Variants in STAC2 observed in about 807,000 individuals in gnomAD.
The protein encoded by STAC2 is SH3 and cysteine rich domain 2.
In STAC2, 36 loss-of-function variants were observed where a neutral mutation model predicts 49.0. The ratio of observed to expected loss-of-function variants is 0.74; its 90% CI spans 0.56 to 0.97. STAC2 has a LOEUF of 0.97. Among genes scored for constraint, STAC2 ranks in the 50% least tolerant of loss-of-function variants. The pLI, the probability that STAC2 is intolerant of heterozygous loss-of-function variation, is 0.00. For missense variants in STAC2, 527 were observed against 543.8 expected (o/e 0.97, Z 0.31); for synonymous variants, 239 against 214.7 (o/e 1.11, Z -0.99).
intron 4 of STAC2, among the ~76,000 whole-genome samples, chr17:39,216,259 G>T (rs908494461): frequency 3.9e-5 from 6 of 152,154 alleles, no homozygotes; most frequent in Non-Finnish European, 8.8e-5. Flanking sequence ...TGGGATTACA[G>T]GTATGAGCCA....
At chr17:39,220,401 C>T (rs151044087) in intron 1 of STAC2, among the ~76,000 whole-genome samples, 17 of 152,292 alleles carry the variant, frequency 1.1e-4, no homozygotes, top group Admixed American at 2.6e-4. Flanking sequence ...CAAAACTAAA[C>T]CTACTGCCTG....
chr17:39,213,252 C>T, intron 9 of STAC2, 120 bp from the exon 10 acceptor site: 1 of 1,501,016 alleles, frequency 6.7e-7, no homozygotes, highest in Non-Finnish European at 8.9e-7. Flanking sequence ...ATCTAGGGCT[C>T]TCCGGATTCC....
In STAC2 at chr17:39,218,212, G is replaced by T. The variant is rs528924839; in HGVS notation, c.91-39C>A. ...AGGGAGCTGTGAGTGGGAGCCTAGAGGGGGCTGGCCAGGGCGGGCTTCCCT... is the reference window on the plus strand; with the variant it reads ...AGGGAGCTGTGAGTGGGAGCCTAGATGGGGCTGGCCAGGGCGGGCTTCCCT... On this transcript the variant is annotated intron_variant, in intron 1 of 10. Transcript: ENST00000333461. 3.1e-6 allele frequency: 5 copies of T among 1,610,988 alleles called. No individual in the cohort carries two copies. The South Asian group carries it at 4.4e-5, about 14-fold the overall frequency.
chr17:39,218,173 G>C lies in STAC2; in HGVS notation c.91C>G (p.Leu31Val). 6.2e-7 allele frequency: 1 copy of C among 1,613,312 alleles called. No individual in the cohort carries two copies. Among genetic ancestry groups the C allele is most frequent in the Non-Finnish European group, 8.5e-7 (1 of 1,180,008 alleles). ...GAGAGGGAGCGCTTGAATCGCTGGA[G>C]CTGGGAGAAAAAGAGGGAGCTGTGA... is the stretch of plus-strand genomic sequence containing the variant. Reference protein sequence around the residue: ...GTVSALQETKLQRFKRSLSLK... With the variant: ...GTVSALQETKVQRFKRSLSLK... The change falls in exon 2 of 11, where the codon CTC (leucine) becomes GTC (valine). Residue 31 changes from leucine (L) to valine (V), a missense_variant and splice_region_variant. By Grantham distance (32) the Leu-to-Val change is conservative (BLOSUM62 1). Transcript: ENST00000333461.
At position 39,214,951 on chromosome 17, in the gene STAC2, C is replaced by A; in HGVS notation, c.772G>T (p.Ala258Ser). The A allele has an allele frequency of 6.2e-7, 1 of 1,614,114 alleles. No individual in the cohort carries two copies. The highest frequency in any genetic ancestry group is 2.2e-5 in the East Asian group (1 of 44,864). ...GCCCTTGATGCCCACCACCACTCAC[C>A]ACTGTCACCAGGCCCCTCCTCAGAG... ...RSSEEGPGDS[A>S]SPVFTAPAES... The change falls in exon 6 of 11, where the codon GCA becomes TCA. Residue 258 changes from alanine to serine, a missense_variant and splice_region_variant. By Grantham distance (99) the Ala-to-Ser change is moderately conservative (BLOSUM62 1). Transcript: ENST00000333461.
At chr17:39,218,229 G>A (rs1174237647) in intron 1 of STAC2, 56 bp from the exon 2 acceptor site, 16 of 1,598,302 alleles carry the variant, frequency 1.0e-5, no homozygotes, top group Admixed American at 1.7e-5. Context: ...GGCCAGGGCG[G>A]GCTTCCCTTC....
intron 3 of STAC2, 46 bp from the exon 4 acceptor site, chr17:39,216,946 T>C (rs375493562): frequency 1.7e-5 from 27 of 1,581,072 alleles, no homozygotes; most frequent in Non-Finnish European, 2.3e-5. Flanking sequence ...TCATGGCCTA[T>C]GGAGAACTTG....
chr17:39,214,334 C>T lies in STAC2; in HGVS notation c.844-4G>A, dbSNP rs550680078. The T allele has an allele frequency of 1.4e-4, 220 of 1,613,606 alleles. No individual in the cohort carries two copies. The highest frequency in any genetic ancestry group is 7.2e-4 in the Admixed American group (43 of 59,968). On this transcript the variant is annotated splice_polypyrimidine_tract_variant and splice_region_variant and intron_variant, in intron 7 of 10. Transcript: ENST00000333461. ...TCCGCAGGGTGGCTTTGGGGAGCTG[C>T]GGGAGAATCTCTGGGTCGGTGACCG...
At chr17:39,219,471 C>T (rs1174511481) in intron 1 of STAC2, among the ~76,000 whole-genome samples, 1 of 152,180 alleles carries the variant, frequency 6.6e-6, no homozygotes, top group Non-Finnish European at 1.5e-5. Flanking sequence ...GCCCAACTTC[C>T]ACCACAGCTC....
chr17:39,215,690 G>A (rs911916552), intron 4 of STAC2, among the ~76,000 whole-genome samples: 8 of 152,076 alleles, frequency 5.3e-5, no homozygotes, highest in African/African-American at 1.2e-4. Flanking sequence ...CCAAGGCCTC[G>A]TACCCATGGT....
chr17:39,224,575 G>A (rs901010058), intron 1 of STAC2, among the ~76,000 whole-genome samples: 16 of 152,222 alleles, frequency 1.1e-4, no homozygotes, highest in African/African-American at 3.9e-4. Flanking sequence ...CTGCCTTCGC[G>A]GGGAGTAATT....
chr17:39,221,698 T>C (rs1414892946), intron 1 of STAC2, among the ~76,000 whole-genome samples: 2 of 152,196 alleles, frequency 1.3e-5, no homozygotes, highest in Non-Finnish European at 2.9e-5. Flanking sequence ...AGGAGCATCC[T>C]GCTGTGCTGA....
chr17:39,217,378 C>T (rs943701092), intron 2 of STAC2, among the ~76,000 whole-genome samples: 1 of 152,130 alleles, frequency 6.6e-6, no homozygotes, highest in African/African-American at 2.4e-5. Context: ...GAGGCAGTGA[C>T]ACTGAGTATA....
chr17:39,225,470 C>T lies in STAC2; in HGVS notation c.33G>A (p.Pro11=). 2 of 1,610,276 alleles carry T rather than the reference C, an allele frequency of 1.2e-6. No individual in the cohort carries two copies. Among genetic ancestry groups the T allele is most frequent in the East Asian group, 2.2e-5 (1 of 44,490 alleles). The change falls in exon 1 of 11, where the codon CCG becomes CCA. Residue 11 remains proline (P), a synonymous_variant. Transcript: ENST00000333461. The surrounding 1 kb of genome is among the most constrained non-coding windows in gnomAD (Gnocchi z 8.2). The part of the protein sequence containing the change: MTEMSEKENE[P]DDAATHSPPG... ...GGGGGCTGTGGGTGGCCGCGTCATC[C>T]GGTTCGTTCTCCTTCTCGCTCATCT...
At chr17:39,220,929 T>C (rs1469048512) in intron 1 of STAC2, among the ~76,000 whole-genome samples, 1 of 151,712 alleles carries the variant, frequency 6.6e-6, no homozygotes, top group Non-Finnish European at 1.5e-5. Flanking sequence ...CCCGAGTAGC[T>C]AGGACTACAG....
At chr17:39,223,348 AC>A (rs2046479924) in intron 1 of STAC2, among the ~76,000 whole-genome samples, 2 of 151,824 alleles carry the variant, frequency 1.3e-5, no homozygotes, top group Admixed American at 6.6e-5. Context: ...CCTGCTGAAT[AC>A]CCCCGACCCA....
chr17:39,221,241 G>A (rs935997234), intron 1 of STAC2, among the ~76,000 whole-genome samples: 1 of 151,936 alleles, frequency 6.6e-6, no homozygotes, highest in African/African-American at 2.4e-5. Flanking sequence ...GATTACAGGC[G>A]CCTGTCACCA....
chr17:39,214,836 T>C lies in STAC2; in HGVS notation c.798A>G (p.Ala266=). The change falls in exon 7 of 11, where the codon GCA becomes GCG. Residue 266 remains alanine (A), a synonymous_variant. Coordinates refer to ENST00000333461, the MANE Select transcript of STAC2 (RefSeq NM_198993.5). Reference sequence around the variant, plus strand: ...CCTCTGGTCCTGGCCCTTCACTCTCTGCTGGGGCTGTGAATACTGGAGATG... The same window carrying C: ...CCTCTGGTCCTGGCCCTTCACTCTCCGCTGGGGCTGTGAATACTGGAGATG... ...DSASPVFTAP[A]ESEGPGPEEK... 1 of 1,614,068 alleles carries C rather than the reference T, an allele frequency of 6.2e-7. No individual in the cohort carries two copies. The highest frequency in any genetic ancestry group is 8.5e-7 in the Non-Finnish European group (1 of 1,179,974).
Position 39,225,666 on chromosome 17 carries a change from A to C in STAC2, c.-164T>G. The C allele has an allele frequency of 1.4e-6, 1 of 698,692 alleles. No homozygotes were observed. Among genetic ancestry groups the C allele is most frequent in the Non-Finnish European group, 2.4e-6 (1 of 414,838 alleles). The allele number at this position is 698,692 out of a possible 1,614,324, so 43.3% of individuals were successfully genotyped here. A position where few individuals can be genotyped will look rare whatever the true frequency, so the allele number is the denominator to read the frequency against. Reference sequence around the variant, plus strand: ...CCCAACCCGCGGGAGCGGGCAGAGAAAGTTGCCGGGGTGGCGGGCGAGGGG... The same window carrying C: ...CCCAACCCGCGGGAGCGGGCAGAGACAGTTGCCGGGGTGGCGGGCGAGGGG... On this transcript the variant is annotated 5_prime_UTR_variant, in exon 1 of 11. Coordinates refer to ENST00000333461, the MANE Select transcript of STAC2 (RefSeq NM_198993.5). The surrounding 1 kb of genome is among the most constrained non-coding windows in gnomAD (Gnocchi z 8.2).
Sources: allele counts gnomAD v4.1 joint callset (sites outside exome capture counted in the v4.1 genomes callset), GRCh38; gene constraint gnomAD v4.1.1; non-coding constraint Gnocchi (gnomAD v3.1); transcripts MANE v1.5; gene names NCBI Gene and HGNC (gene_info 2026-07-23, HGNC 2026-07-21).